The following ARHGAP26 variants were observed in gnomAD, a reference collection of about 807,000 sequenced individuals.
ARHGAP26 encodes Rho GTPase activating protein 26, also known as rho GTPase-activating protein 26.
A neutral mutation model predicts 104.8 loss-of-function variants in ARHGAP26; 38 were observed. The observed-to-expected ratio is 0.36, with a 90% CI of 0.28 to 0.48. The LOEUF is 0.48. ARHGAP26 is among the 20% of genes least tolerant of loss of function. ARHGAP26 has a pLI of 0.99. For synonymous variants in ARHGAP26, 341 were observed against 340.0 expected, an observed-to-expected ratio of 1.00 and a Z score of -0.03; for missense variants, 704 against 947.9, an observed-to-expected ratio of 0.74 and a Z score of 3.38.
chr5:142,880,518 A>C lies in ARHGAP26; in HGVS notation c.384+1073A>C, dbSNP rs780814058. On this transcript the variant is annotated intron_variant, in intron 4 of 22. Transcript: ENST00000645722. ...GGCAACAGAGCAAGACTCCATGTCC[A>C]AAAAAAAAAAAATCACTAGGAAACT... is the stretch of plus-strand genomic sequence containing the variant. Among the ~76,000 whole-genome samples the C allele has an allele frequency of 5.5e-3, 295 of 53,814 alleles. 1 individual carries two copies. The highest frequency in any genetic ancestry group is 9.6e-3 in the Admixed American group (49 of 5,122). 35.3% of individuals were successfully genotyped at this position (53,814 alleles called of 152,430 possible). A position where few individuals can be genotyped will look rare whatever the true frequency, so the allele number is the denominator to read the frequency against.
chr5:142,964,549 C>A (rs377231100), intron 11 of ARHGAP26, among the ~76,000 whole-genome samples: 41 of 126,652 alleles, frequency 3.2e-4, no homozygotes, highest in South Asian at 1.2e-3. Context: ...TTAAAACACA[C>A]ACACACACAC....
intron 20 of ARHGAP26, among the ~76,000 whole-genome samples, chr5:143,172,300 TA>T (rs549334864): frequency 3.0e-3 from 435 of 145,670 alleles, no homozygotes; most frequent in African/African-American, 8.8e-3. Flanking sequence ...TGTTACTCTT[TA>T]AAAAAAAAAA....
At chr5:143,018,223 C>G (rs1160630497) in intron 12 of ARHGAP26, among the ~76,000 whole-genome samples, 1 of 152,106 alleles carries the variant, frequency 6.6e-6, no homozygotes, top group East Asian at 1.9e-4. Flanking sequence ...GTAAAAAGTT[C>G]CTACTGATTC....
At chr5:143,046,091 G>A (rs781717382) in intron 14 of ARHGAP26, among the ~76,000 whole-genome samples, 6 of 151,718 alleles carry the variant, frequency 4.0e-5, no homozygotes, top group South Asian at 2.1e-4. Flanking sequence ...CCAGGACTGC[G>A]TCATTGCACT....
chr5:142,975,344 G>C (rs1166172915), intron 11 of ARHGAP26, among the ~76,000 whole-genome samples: 2 of 151,936 alleles, frequency 1.3e-5, no homozygotes, highest in Non-Finnish European at 2.9e-5. Flanking sequence ...CAGTTGCTGA[G>C]GTGAAAGAAA....
chr5:142,965,688 A>G (rs192637510), intron 11 of ARHGAP26, among the ~76,000 whole-genome samples: 2 of 152,248 alleles, frequency 1.3e-5, no homozygotes, highest in Non-Finnish European at 2.9e-5. Flanking sequence ...TACATCTGGT[A>G]TAACTATTCT....
At chr5:142,924,737 G>A (rs1185128428) in intron 10 of ARHGAP26, among the ~76,000 whole-genome samples, 1 of 152,232 alleles carries the variant, frequency 6.6e-6, no homozygotes, top group East Asian at 1.9e-4. Flanking sequence ...AGCACGCATA[G>A]TAGTGCAGAT....
chr5:142,883,157 A>G (rs1757240024), intron 4 of ARHGAP26, among the ~76,000 whole-genome samples: 1 of 152,090 alleles, frequency 6.6e-6, no homozygotes, highest in Admixed American at 6.5e-5. Flanking sequence ...TTAAACATGG[A>G]ATGTGGAGGC....
chr5:142,987,527 A>G (rs539195437), intron 11 of ARHGAP26, among the ~76,000 whole-genome samples: 4 of 143,222 alleles, frequency 2.8e-5, no homozygotes, highest in African/African-American at 1.0e-4. Context: ...AACTTCCAAC[A>G]CTATGTTGAA....
chr5:142,771,258 G>A, intron 1 of ARHGAP26: 1 of 1,251,898 alleles, frequency 8.0e-7, no homozygotes, highest in Non-Finnish European at 1.0e-6. Flanking sequence ...CCAGCGGGCA[G>A]ATCCCATCGT....
intron 19 of ARHGAP26, among the ~76,000 whole-genome samples, chr5:143,134,751 C>G (rs1183834059): frequency 6.6e-6 from 1 of 152,246 alleles, no homozygotes; most frequent in Non-Finnish European, 1.5e-5. Flanking sequence ...CTAAAATATA[C>G]AGTATTGTTT....
intron 19 of ARHGAP26, among the ~76,000 whole-genome samples, chr5:143,140,031 A>G (rs1015194217): frequency 2.6e-5 from 4 of 152,254 alleles, no homozygotes; most frequent in African/African-American, 7.2e-5. Context: ...TTCTTGGAAC[A>G]GTGGTTCATA....
At chr5:142,895,315 C>G (rs1321023686) in intron 6 of ARHGAP26, among the ~76,000 whole-genome samples, 1 of 152,136 alleles carries the variant, frequency 6.6e-6, no homozygotes, top group Non-Finnish European at 1.5e-5. Context: ...ACTGCAGCCT[C>G]TGCCTTCTGG....
intron 17 of ARHGAP26, among the ~76,000 whole-genome samples, chr5:143,098,711 G>T (rs1792779538): frequency 6.6e-6 from 1 of 152,122 alleles, no homozygotes; most frequent in African/African-American, 2.4e-5. Context: ...ACCTTGCTAA[G>T]TATTCAATTC....
At chr5:142,812,937 CT>C (rs1423143473) in intron 1 of ARHGAP26, among the ~76,000 whole-genome samples, 12 of 142,600 alleles carry the variant, frequency 8.4e-5, no homozygotes, top group African/African-American at 3.0e-4. Flanking sequence ...CTTTTTTTTT[CT>C]TTCTTTTTTT....
chr5:143,143,662 C>T (rs1361413155), intron 19 of ARHGAP26, among the ~76,000 whole-genome samples: 1 of 152,124 alleles, frequency 6.6e-6, no homozygotes, highest in African/African-American at 2.4e-5. Flanking sequence ...GTATTATTCC[C>T]TTATATTTAA....
chr5:142,931,962 T>C, intron 10 of ARHGAP26, 85 bp from the exon 11 acceptor site: 1 of 1,285,188 alleles, frequency 7.8e-7, no homozygotes, highest in African/African-American at 1.5e-5. Context: ...CACTGACTCT[T>C]TTGAGTGGAT....
intron 11 of ARHGAP26, among the ~76,000 whole-genome samples, chr5:142,955,464 G>C (rs1769097375): frequency 6.6e-6 from 1 of 152,136 alleles, no homozygotes; most frequent in African/African-American, 2.4e-5. Flanking sequence ...TATGTACACA[G>C]GAAGTTTTTG....
intron 1 of ARHGAP26, among the ~76,000 whole-genome samples, chr5:142,806,610 C>T (rs760833170): frequency 2.0e-5 from 3 of 151,884 alleles, no homozygotes; most frequent in South Asian, 2.1e-4. Flanking sequence ...TGCCTTCTTC[C>T]GTATTTTCTT....
Sources: gnomAD v4.1 joint callset for allele counts (sites outside exome capture counted in the v4.1 genomes callset) on GRCh38, gnomAD v4.1.1 for gene constraint, MANE v1.5 for transcripts, NCBI Gene and HGNC (gene_info 2026-07-23, HGNC 2026-07-21) for gene names.